P3H2: variants seen among roughly 807,000 people sequenced by gnomAD.
The protein encoded by P3H2 is prolyl 3-hydroxylase 2.
In P3H2, 80 loss-of-function variants were observed where a neutral mutation model predicts 87.0. The ratio of observed to expected loss-of-function variants is 0.92; its 90% CI spans 0.77 to 1.11. The LOEUF is 1.11. P3H2 is among the 50% of genes least tolerant of loss of function. The probability of loss-of-function intolerance (pLI) is 0.00; values close to 1 mark genes in which losing one functional copy is unlikely to be tolerated. For synonymous variants in P3H2, 367 were observed against 359.3 expected, an observed-to-expected ratio of 1.02 and a Z score of -0.24; for missense variants, 1,001 against 923.9, an observed-to-expected ratio of 1.08 and a Z score of -1.08.
At chr3:189,969,913 T>C (rs1723119146) in intron 13 of P3H2, 1 of 852,468 alleles carries the variant, frequency 1.2e-6, no homozygotes, top group African/African-American at 1.7e-5. Context: ...ACTAAGGGAA[T>C]GAAGTGGGCC....
intron 14 of P3H2, among the ~76,000 whole-genome samples, chr3:189,958,699 CTTT>C (rs71175319): frequency 5.0e-5 from 6 of 120,238 alleles, no homozygotes; most frequent in Admixed American, 4.8e-4. Context: ...ATTGCTCCCT[CTTT>C]TTTTTTTTTT....
chr3:189,967,046 A>G (rs1233541796), intron 13 of P3H2, among the ~76,000 whole-genome samples: 1 of 152,190 alleles, frequency 6.6e-6, no homozygotes, highest in Non-Finnish European at 1.5e-5. Flanking sequence ...AAGGGAAACT[A>G]AAACAGAAAA....
At chr3:190,107,978 A>ATT (rs35778272) in intron 1 of P3H2, among the ~76,000 whole-genome samples, 17 of 145,174 alleles carry the variant, frequency 1.2e-4, no homozygotes, top group African/African-American at 4.3e-4. Flanking sequence ...ATTTTTACTT[A>ATT]TTTTTTTTTT....
intron 1 of P3H2, among the ~76,000 whole-genome samples, chr3:190,042,530 C>T (rs145427204): frequency 9.2e-5 from 14 of 152,172 alleles, no homozygotes; most frequent in Non-Finnish European, 1.6e-4. Flanking sequence ...ATACTGCAAA[C>T]TCTAAAGCTG....
intron 1 of P3H2, among the ~76,000 whole-genome samples, chr3:190,054,744 A>C (rs1726095544): frequency 6.6e-6 from 1 of 152,294 alleles, no homozygotes; most frequent in South Asian, 2.1e-4. Flanking sequence ...GGCATCAGGC[A>C]TATGAAAAGA....
At chr3:189,964,306 A>T (rs1264261536) in intron 13 of P3H2, among the ~76,000 whole-genome samples, 1 of 152,232 alleles carries the variant, frequency 6.6e-6, no homozygotes, top group East Asian at 1.9e-4. Flanking sequence ...AGAAAATAAA[A>T]AGATGTTCAA....
Position 189,957,181 on chromosome 3 carries a change from G to T in P3H2, c.*731C>A. ...GTAATCATCCATGAGATCTCCCGGA[G>T]CCTGGGTGATCATTACGCCCATGAT... On this transcript the variant is annotated 3_prime_UTR_variant, in exon 15 of 15. Transcript: ENST00000319332. The T allele has an allele frequency of 2.5e-6, 1 of 398,742 alleles. No individual in the cohort carries two copies. The highest frequency in any genetic ancestry group is 3.6e-5 in the East Asian group (1 of 28,050). The allele number at this position is 398,742 out of a possible 1,614,324, so 24.7% of individuals were successfully genotyped here.
At position 190,120,837 on chromosome 3, in the gene P3H2, G is replaced by T; in HGVS notation, c.-106C>A. ...TCCCTCGGGGAAGCGCGCCGACTCC[G>T]CCGCGATCTGGCCGCTCCGCGAGCC... On this transcript the variant is annotated 5_prime_UTR_variant, in exon 1 of 15. Transcript: ENST00000319332. 1.4e-6 allele frequency: 2 copies of T among 1,438,888 alleles called. No homozygotes were observed. Among genetic ancestry groups the T allele is most frequent in the Non-Finnish European group, 1.8e-6 (2 of 1,095,672 alleles). The allele number at this position is 1,438,888 out of a possible 1,614,324, so 89.1% of individuals were successfully genotyped here. A position where few individuals can be genotyped will look rare whatever the true frequency, so the allele number is the denominator to read the frequency against.
At chr3:190,086,284 C>T (rs376730238) in intron 1 of P3H2, among the ~76,000 whole-genome samples, 2 of 152,092 alleles carry the variant, frequency 1.3e-5, no homozygotes, top group African/African-American at 4.8e-5. Context: ...CACTGAATAC[C>T]CTCTAACTGC....
chr3:190,097,765 GTGT>G (rs1231684304), intron 1 of P3H2, among the ~76,000 whole-genome samples: 2 of 152,196 alleles, frequency 1.3e-5, no homozygotes, highest in Admixed American at 6.5e-5. Flanking sequence ...CCTACTGGAA[GTGT>G]TGTTTTAAGC....
At chr3:190,095,451 C>T (rs1236804894) in intron 1 of P3H2, among the ~76,000 whole-genome samples, 4 of 147,506 alleles carry the variant, frequency 2.7e-5, no homozygotes, top group Admixed American at 6.7e-5. Context: ...GTAAGCAAAC[C>T]AAAAAAACCT....
At chr3:190,043,603 T>C (rs140866338) in intron 1 of P3H2, among the ~76,000 whole-genome samples, 361 of 152,362 alleles carry the variant, frequency 2.4e-3, no homozygotes, top group Non-Finnish European at 3.4e-3. Flanking sequence ...ATATAGTTAA[T>C]GTGTGCAATT....
At chr3:190,090,435 G>A (rs899490323) in intron 1 of P3H2, among the ~76,000 whole-genome samples, 1 of 152,162 alleles carries the variant, frequency 6.6e-6, no homozygotes, top group African/African-American at 2.4e-5. Context: ...CGCGCACGGT[G>A]GCTCACGCCT....
At chr3:189,992,978 T>G (rs183485554) in intron 3 of P3H2, among the ~76,000 whole-genome samples, 1 of 152,340 alleles carries the variant, frequency 6.6e-6, no homozygotes, top group African/African-American at 2.4e-5. Flanking sequence ...CTTATAAATC[T>G]TAGGTAAAGT....
chr3:190,121,532 C>G (rs1223247073), upstream of P3H2: 1 of 152,274 alleles, frequency 6.6e-6, no homozygotes, highest in Non-Finnish European at 1.5e-5. Context: ...AGGTTTCTCC[C>G]TTACCTTTTC....
intron 6 of P3H2, among the ~76,000 whole-genome samples, chr3:189,985,651 C>T (rs867661111): frequency 2.0e-5 from 3 of 150,232 alleles, no homozygotes; most frequent in Non-Finnish European, 4.4e-5. Context: ...AGAGAATTCT[C>T]TTAGAAAAGC....
At chr3:190,064,415 G>A (rs547110912) in intron 1 of P3H2, among the ~76,000 whole-genome samples, 31 of 152,058 alleles carry the variant, frequency 2.0e-4, no homozygotes, top group Non-Finnish European at 4.3e-4. Flanking sequence ...TGCTGGAAGG[G>A]CTAGGCTGAT....
chr3:190,022,951 C>T (rs900087494), intron 1 of P3H2, among the ~76,000 whole-genome samples: 2 of 152,056 alleles, frequency 1.3e-5, no homozygotes, highest in Non-Finnish European at 2.9e-5. Flanking sequence ...TTCAGCCTCC[C>T]GAGTAGCTGG....
At chr3:190,060,523 T>TCC (rs1726298213) in intron 1 of P3H2, among the ~76,000 whole-genome samples, 2 of 152,270 alleles carry the variant, frequency 1.3e-5, no homozygotes, top group Non-Finnish European at 2.9e-5. Context: ...TCCTCTCAAT[T>TCC]CTTCTAATTC....
Sources: gnomAD v4.1 joint callset for allele counts (sites outside exome capture counted in the v4.1 genomes callset) on GRCh38, gnomAD v4.1.1 for gene constraint, MANE v1.5 for transcripts, NCBI Gene and HGNC (gene_info 2026-07-23, HGNC 2026-07-21) for gene names.